The following SLX4IP variants were observed in gnomAD, a reference collection of about 807,000 sequenced individuals.
The protein encoded by SLX4IP is SLX4 interacting protein.
SLX4IP carries 34 observed loss-of-function variants against 32.9 expected under a neutral mutation model. That is an observed-to-expected ratio of 1.03 (90% CI 0.79 to 1.38). The LOEUF (loss-of-function observed/expected upper bound fraction) is 1.38, where lower values mean the gene tolerates loss of function less well. Among genes scored for constraint, SLX4IP ranks in the 40% most tolerant of loss-of-function variants. The pLI, the probability that SLX4IP is intolerant of heterozygous loss-of-function variation, is 0.00. For synonymous variants in SLX4IP, 172 were observed against 171.7 expected (o/e 1.00, Z -0.01); for missense variants, 444 against 479.0 (o/e 0.93, Z 0.68).
At chr20:10,459,801 A>G (rs2065321290) in intron 2 of SLX4IP, among the ~76,000 whole-genome samples, 1 of 152,144 alleles carries the variant, frequency 6.6e-6, no homozygotes, top group Non-Finnish European at 1.5e-5. Context: ...TGTGAGGGAT[A>G]GTGGGAAGGG....
intron 2 of SLX4IP, among the ~76,000 whole-genome samples, chr20:10,474,585 T>C (rs1275948108): frequency 6.6e-6 from 1 of 152,200 alleles, no homozygotes; most frequent in Non-Finnish European, 1.5e-5. Context: ...CGCTCCCATT[T>C]GTGGTCAAAT....
intron 2 of SLX4IP, among the ~76,000 whole-genome samples, chr20:10,522,401 C>G (rs553598684): frequency 2.6e-5 from 4 of 152,094 alleles, no homozygotes; most frequent in East Asian, 1.9e-4. Context: ...TACAATGATA[C>G]GCGGAAAAAG....
chr20:10,509,431 AT>A (rs1216672913), intron 2 of SLX4IP, among the ~76,000 whole-genome samples: 2 of 152,114 alleles, frequency 1.3e-5, no homozygotes, highest in African/African-American at 2.4e-5. Flanking sequence ...AATTGCTCTG[AT>A]TTTGGGCTGT....
At chr20:10,438,616 T>C (rs1351537646) in intron 1 of SLX4IP, among the ~76,000 whole-genome samples, 1 of 151,900 alleles carries the variant, frequency 6.6e-6, no homozygotes, top group Non-Finnish European at 1.5e-5. Flanking sequence ...TAGCTGGGAT[T>C]ACAGGCTTCC....
intron 2 of SLX4IP, among the ~76,000 whole-genome samples, chr20:10,492,970 C>T (rs670718): frequency 0.39 from 59,360 of 151,744 alleles, 11,820 homozygotes; most frequent in Non-Finnish European, 0.43. Flanking sequence ...AACATTATCA[C>T]AAGTCTTTTT....
chr20:10,478,848 G>C (rs2065495898), intron 2 of SLX4IP, among the ~76,000 whole-genome samples: 1 of 152,212 alleles, frequency 6.6e-6, no homozygotes, highest in South Asian at 2.1e-4. Context: ...AGAGGTAGCT[G>C]CCACTCCCAA....
At chr20:10,619,075 C>CT (rs1315352040) in intron 6 of SLX4IP, among the ~76,000 whole-genome samples, 2 of 152,004 alleles carry the variant, frequency 1.3e-5, no homozygotes, top group Non-Finnish European at 2.9e-5. Context: ...GGAGTCTAAT[C>CT]TTTTTTTTCC....
chr20:10,450,513 T>C (rs2122329767), intron 1 of SLX4IP, among the ~76,000 whole-genome samples: 1 of 152,340 alleles, frequency 6.6e-6, no homozygotes, highest in African/African-American at 2.4e-5. Flanking sequence ...CTTGCTAAGA[T>C]AAACTTCATT....
chr20:10,598,968 C>T (rs150201587), intron 5 of SLX4IP, among the ~76,000 whole-genome samples: 1 of 152,206 alleles, frequency 6.6e-6, no homozygotes, highest in Admixed American at 6.5e-5. Flanking sequence ...GCTTTCCTTT[C>T]CTGATGCATC....
rs1045678551 is a variant in SLX4IP, at chr20:10,470,927, A to G, written c.27+12696A>G. On this transcript the variant is annotated intron_variant, in intron 2 of 7. Coordinates refer to ENST00000334534, the MANE Select transcript of SLX4IP (RefSeq NM_001009608.3). Reference sequence around the variant, plus strand: ...ACTTTTAATCAGGATTCCTGAATGCATGTTGTGGTTTCACTTTTGAAAACT... The same window carrying G: ...ACTTTTAATCAGGATTCCTGAATGCGTGTTGTGGTTTCACTTTTGAAAACT... Among the ~76,000 whole-genome samples the G allele has an allele frequency of 2.6e-5, 4 of 152,212 alleles. No individual in the cohort carries two copies. The South Asian group carries it at 6.2e-4, about 24-fold the overall frequency.
At chr20:10,452,315 G>C (rs1404315734) in intron 1 of SLX4IP, among the ~76,000 whole-genome samples, 1 of 152,048 alleles carries the variant, frequency 6.6e-6, no homozygotes, top group Non-Finnish European at 1.5e-5. Context: ...TGGATTGCTT[G>C]AGCTCAGGAG....
At chr20:10,567,788 G>A (rs928543315) in intron 4 of SLX4IP, among the ~76,000 whole-genome samples, 1 of 152,122 alleles carries the variant, frequency 6.6e-6, no homozygotes, top group Non-Finnish European at 1.5e-5. Context: ...CTCCTTATAG[G>A]CCACATAGAC....
chr20:10,521,603 C>T (rs1878398133), intron 2 of SLX4IP, among the ~76,000 whole-genome samples: 1 of 152,130 alleles, frequency 6.6e-6, no homozygotes, highest in Non-Finnish European at 1.5e-5. Flanking sequence ...AATGCTGAGT[C>T]AAAAGCAGCT....
chr20:10,475,234 A>G (rs1251446145), intron 2 of SLX4IP, among the ~76,000 whole-genome samples: 9 of 152,206 alleles, frequency 5.9e-5, no homozygotes, highest in Non-Finnish European at 1.0e-4. Context: ...AGAATTTAAC[A>G]TTGAAAAACA....
At chr20:10,519,800 C>A (rs577616066) in intron 2 of SLX4IP, among the ~76,000 whole-genome samples, 5 of 152,320 alleles carry the variant, frequency 3.3e-5, no homozygotes, top group South Asian at 2.1e-4. Context: ...AACTGCCAAA[C>A]TGTTTTCAAA....
At chr20:10,515,542 G>C (rs1279382144) in intron 2 of SLX4IP, among the ~76,000 whole-genome samples, 2 of 152,182 alleles carry the variant, frequency 1.3e-5, no homozygotes, top group Admixed American at 6.5e-5. Flanking sequence ...TTATTTAAAA[G>C]TGTTGGCTCC....
intron 4 of SLX4IP, among the ~76,000 whole-genome samples, chr20:10,579,430 CT>C (rs1010052153): frequency 2.0e-5 from 3 of 150,528 alleles, no homozygotes; most frequent in East Asian, 2.0e-4. Flanking sequence ...TTTCTTTTTT[CT>C]TTTTTTTCTT....
chr20:10,490,097 C>T (rs778801946), intron 2 of SLX4IP, among the ~76,000 whole-genome samples: 9 of 152,048 alleles, frequency 5.9e-5, no homozygotes, highest in Non-Finnish European at 1.3e-4. Context: ...AAAACTCTAT[C>T]ACCATGAAAG....
At chr20:10,593,757 TG>T (rs2122540954) in intron 4 of SLX4IP, among the ~76,000 whole-genome samples, 2 of 152,202 alleles carry the variant, frequency 1.3e-5, no homozygotes, top group African/African-American at 4.8e-5. Context: ...AAATGTAGAA[TG>T]GGGTTGTTCT....
Sources: allele counts gnomAD v4.1 joint callset (sites outside exome capture counted in the v4.1 genomes callset), GRCh38; gene constraint gnomAD v4.1.1; transcripts MANE v1.5; gene names NCBI Gene and HGNC (gene_info 2026-07-23, HGNC 2026-07-21).